Variants in CD163L1 observed in about 807,000 individuals in gnomAD.
CD163L1 encodes scavenger receptor cysteine-rich type 1 protein M160.
In CD163L1, 124 loss-of-function variants were observed where a neutral mutation model predicts 165.4. The observed-to-expected ratio is 0.75, with a 90% CI of 0.65 to 0.87. The LOEUF is 0.87. Ranked by LOEUF, CD163L1 falls within the 40% of genes least tolerant of loss-of-function variation. The pLI is 0.00. For missense variants in CD163L1, 1,525 were observed against 1,799.9 expected (o/e 0.85, Z 2.76); for synonymous variants, 585 against 662.2 (o/e 0.88, Z 1.79).
At chr12:7,358,401 T>G (rs1161217133) in intron 18 of CD163L1, among the ~76,000 whole-genome samples, 1 of 152,080 alleles carries the variant, frequency 6.6e-6, no homozygotes, top group African/African-American at 2.4e-5. Flanking sequence ...ACATATAAAA[T>G]ATTGTGTTCT....
intron 6 of CD163L1, among the ~76,000 whole-genome samples, chr12:7,402,560 A>T (rs1050286901): frequency 6.6e-6 from 1 of 151,900 alleles, no homozygotes; most frequent in African/African-American, 2.4e-5. Context: ...CCCACTTAGG[A>T]CTCTCTAGAT....
At chr12:7,385,444 C>T (rs1947496763) in intron 8 of CD163L1, among the ~76,000 whole-genome samples, 1 of 151,900 alleles carries the variant, frequency 6.6e-6, no homozygotes, top group African/African-American at 2.4e-5. Context: ...CAATATTGAA[C>T]ATATCATCTA....
At chr12:7,423,758 C>T (rs1054756969) in intron 4 of CD163L1, among the ~76,000 whole-genome samples, 2 of 151,820 alleles carry the variant, frequency 1.3e-5, no homozygotes, top group Admixed American at 1.3e-4. Flanking sequence ...GGACACATAC[C>T]CCCTCCCAAG....
chr12:7,323,961 G>A, the CD163L1 span, among the ~76,000 whole-genome samples: 1 of 152,096 alleles, frequency 6.6e-6, no homozygotes, highest in African/African-American at 2.4e-5. Context: ...AGGGTGGCTT[G>A]AGCCCAAGAG....
At chr12:7,377,040 C>T (rs1947284613) in intron 9 of CD163L1, among the ~76,000 whole-genome samples, 1 of 152,214 alleles carries the variant, frequency 6.6e-6, no homozygotes, top group Admixed American at 6.5e-5. Context: ...GAGTGACCTT[C>T]CCCTGCTCAT....
intron 8 of CD163L1, among the ~76,000 whole-genome samples, chr12:7,387,748 T>C (rs1293736214): frequency 6.6e-6 from 1 of 152,152 alleles, no homozygotes; most frequent in African/African-American, 2.4e-5. Context: ...TCTTTATAAA[T>C]TACCCAGCCT....
chr12:7,437,079 A>G (rs1316704933), intron 2 of CD163L1, among the ~76,000 whole-genome samples: 2 of 149,000 alleles, frequency 1.3e-5, no homozygotes, highest in Non-Finnish European at 3.0e-5. Flanking sequence ...ATTTTAAACA[A>G]TAGTGTTTTT....
At chr12:7,334,875 T>C in the CD163L1 span, among the ~76,000 whole-genome samples, 4 of 152,102 alleles carry the variant, frequency 2.6e-5, no homozygotes, top group African/African-American at 9.7e-5. Context: ...AAATCATGAG[T>C]GAACTCCCAT....
intron 6 of CD163L1, among the ~76,000 whole-genome samples, chr12:7,399,542 TCTTTCTTG>T (rs1262398767): frequency 3.2e-3 from 59 of 18,728 alleles, no homozygotes; most frequent in African/African-American, 9.0e-3. Context: ...TTTCTTTCTT[TCTTTCTTG>T]CTTTCTTTCT....
chr12:7,378,850 A>G, intron 9 of CD163L1, 128 bp downstream of exon 9: 1 of 657,790 alleles, frequency 1.5e-6, no homozygotes, highest in East Asian at 2.8e-5. Flanking sequence ...GATAGAGGGT[A>G]GGATTACTTT....
At chr12:7,336,401 T>C in the CD163L1 span, among the ~76,000 whole-genome samples, 1 of 151,894 alleles carries the variant, frequency 6.6e-6, no homozygotes, top group African/African-American at 2.4e-5. Flanking sequence ...AGCAAACTAT[T>C]GCGAGGACAA....
At chr12:7,382,843 C>CT (rs1385928959) in intron 8 of CD163L1, among the ~76,000 whole-genome samples, 3 of 152,216 alleles carry the variant, frequency 2.0e-5, no homozygotes, top group Non-Finnish European at 4.4e-5. Flanking sequence ...GATAACCTCC[C>CT]TTATCCATCT....
chr12:7,389,918 T>C (rs1717379727), intron 8 of CD163L1, among the ~76,000 whole-genome samples: 1 of 147,514 alleles, frequency 6.8e-6, no homozygotes, highest in Admixed American at 6.8e-5. Context: ...TAAGTGTCCA[T>C]CAAAGGATGA....
intron 8 of CD163L1, among the ~76,000 whole-genome samples, chr12:7,385,185 A>G (rs1172243324): frequency 1.3e-5 from 2 of 151,968 alleles, no homozygotes; most frequent in Non-Finnish European, 2.9e-5. Flanking sequence ...GAAAACCAAC[A>G]GCAAGTAGAA....
At chr12:7,393,197 A>G (rs1390391810) in intron 8 of CD163L1, among the ~76,000 whole-genome samples, 1 of 152,236 alleles carries the variant, frequency 6.6e-6, no homozygotes, top group Non-Finnish European at 1.5e-5. Context: ...AACCGAATCC[A>G]GCAGCACATC....
At chr12:7,442,919 A>T (rs1025762804) in intron 1 of CD163L1, among the ~76,000 whole-genome samples, 7 of 152,348 alleles carry the variant, frequency 4.6e-5, no homozygotes, top group African/African-American at 1.7e-4. Flanking sequence ...ATTCTTGAGA[A>T]GGAGAATTAA....
chr12:7,399,755 C>T (rs1179179114), intron 6 of CD163L1, among the ~76,000 whole-genome samples: 1 of 152,056 alleles, frequency 6.6e-6, no homozygotes, highest in Non-Finnish European at 1.5e-5. Context: ...CAGGCTCACA[C>T]CACCACAGCC....
At chr12:7,413,301 AG>A (rs1948174745) in intron 4 of CD163L1, among the ~76,000 whole-genome samples, 1 of 151,996 alleles carries the variant, frequency 6.6e-6, no homozygotes, top group Non-Finnish European at 1.5e-5. Context: ...TGGCTTTCCT[AG>A]CCTTATGGAA....
At position 7,368,705 on chromosome 12, in the gene CD163L1, G is replaced by T; in HGVS notation, c.4072+228C>A. The T allele has an allele frequency of 2.0e-6, 1 of 497,434 alleles. No homozygotes were observed. The highest frequency in any genetic ancestry group is 3.7e-6 in the Non-Finnish European group (1 of 273,262). 30.8% of individuals were successfully genotyped at this position (497,434 alleles called of 1,614,324 possible). On this transcript the variant is annotated intron_variant, in intron 16 of 19. Coordinates refer to ENST00000313599, the MANE Select transcript of CD163L1 (RefSeq NM_174941.6). This position sits in a 1 kb window ranked among gnomAD's most constrained non-coding sequence, Gnocchi z 4.3. ...AGAATCTAGAAAGATTATCTATGAG[G>T]GTACCATGAGAGTCTTATCCTTCTC...
Sources: allele counts gnomAD v4.1 joint callset (sites outside exome capture counted in the v4.1 genomes callset), GRCh38; gene constraint gnomAD v4.1.1; non-coding constraint Gnocchi (gnomAD v3.1); transcripts MANE v1.5; gene names NCBI Gene and HGNC (gene_info 2026-07-23, HGNC 2026-07-21).